The following UBR3 variants were observed in gnomAD, a reference collection of about 807,000 sequenced individuals.
The protein encoded by UBR3 is E3 ubiquitin-protein ligase UBR3.
UBR3 carries 85 observed loss-of-function variants against 243.2 expected under a neutral mutation model. The ratio of observed to expected loss-of-function variants is 0.35; its 90% CI spans 0.29 to 0.42. UBR3 has a LOEUF of 0.42. UBR3 is among the 10% of genes least tolerant of loss of function. The pLI is 1.00. For missense variants in UBR3, 1,686 were observed against 2,300.8 expected (o/e 0.73, Z 5.47); for synonymous variants, 748 against 799.8 (o/e 0.94, Z 1.09).
intron 30 of UBR3, among the ~76,000 whole-genome samples, chr2:170,024,776 T>C (rs2105418776): frequency 6.6e-6 from 1 of 152,298 alleles, no homozygotes; most frequent in Admixed American, 6.5e-5. Flanking sequence ...GTTTCAGTAA[T>C]GATGTGTCTG....
intron 33 of UBR3, among the ~76,000 whole-genome samples, chr2:170,060,741 A>G (rs1322814004): frequency 2.6e-5 from 4 of 152,070 alleles, no homozygotes; most frequent in Admixed American, 2.0e-4. Context: ...TGTCTTGTAC[A>G]TATAGCTATT....
intron 1 of UBR3, among the ~76,000 whole-genome samples, chr2:169,840,040 T>C (rs188937103): frequency 8.2e-4 from 124 of 151,698 alleles, no homozygotes; most frequent in African/African-American, 3.0e-3. Context: ...CTTCTGTGTC[T>C]CTTTGTTGTG....
chr2:169,876,084 C>CT (rs547614070), intron 3 of UBR3, 135 bp downstream of exon 3: 80,712 of 416,856 alleles, frequency 0.19, 3,024 homozygotes, highest in East Asian at 0.34. Context: ...AAGAGAACTT[C>CT]TTTTTTTTTT....
At chr2:169,831,203 C>T (rs113800071) in intron 1 of UBR3, among the ~76,000 whole-genome samples, 5,955 of 132,192 alleles carry the variant, frequency 0.045, 150 homozygotes, top group Middle Eastern at 0.1. Flanking sequence ...TGCAGTGGCA[C>T]GATCTTGGCT....
chr2:169,968,656 C>T (rs1423809181), intron 24 of UBR3, among the ~76,000 whole-genome samples: 3 of 152,084 alleles, frequency 2.0e-5, no homozygotes, highest in Admixed American at 1.3e-4. Flanking sequence ...AACATGGACA[C>T]GCAGCTGGCT....
chr2:170,064,582 G>GT (rs2091516261), intron 35 of UBR3, among the ~76,000 whole-genome samples: 1 of 151,944 alleles, frequency 6.6e-6, no homozygotes, highest in South Asian at 2.1e-4. Flanking sequence ...TGATAAGACA[G>GT]TTTTTCCAGC....
intron 30 of UBR3, among the ~76,000 whole-genome samples, chr2:170,022,104 G>C (rs2090406752): frequency 6.6e-6 from 1 of 152,030 alleles, no homozygotes; most frequent in African/African-American, 2.4e-5. Context: ...TCTCTTCCTA[G>C]GACTACCTAT....
intron 29 of UBR3, among the ~76,000 whole-genome samples, chr2:170,012,368 T>C (rs544323359): frequency 6.6e-6 from 1 of 152,292 alleles, no homozygotes; most frequent in African/African-American, 2.4e-5. Flanking sequence ...TTTTTCTTTT[T>C]AAGCATCTTA....
intron 19 of UBR3, among the ~76,000 whole-genome samples, chr2:169,936,888 A>G (rs896042555): frequency 3.3e-5 from 5 of 152,300 alleles, no homozygotes; most frequent in African/African-American, 4.8e-5. Flanking sequence ...TCCACGGTGT[A>G]TATGTGCCAC....
intron 32 of UBR3, 55 bp from the exon 33 acceptor site, chr2:170,055,405 G>A: frequency 1.9e-6 from 3 of 1,583,168 alleles, no homozygotes; most frequent in South Asian, 2.3e-5. Flanking sequence ...GTAAAACTAT[G>A]TTGAGTACAA....
At chr2:169,897,358 C>A (rs1051534193) in intron 8 of UBR3, among the ~76,000 whole-genome samples, 3 of 151,976 alleles carry the variant, frequency 2.0e-5, no homozygotes, top group Admixed American at 6.6e-5. Flanking sequence ...TTCAACCTGC[C>A]ATAATGTTTC....
At chr2:169,991,750 T>A (rs2105392403) in intron 25 of UBR3, among the ~76,000 whole-genome samples, 1 of 152,140 alleles carries the variant, frequency 6.6e-6, no homozygotes, top group Middle Eastern at 3.4e-3. Flanking sequence ...GCCTAGCTAA[T>A]TTTTTGTATT....
intron 26 of UBR3, among the ~76,000 whole-genome samples, chr2:169,996,906 G>A (rs1449325014): frequency 2.0e-5 from 3 of 151,338 alleles, no homozygotes; most frequent in African/African-American, 7.3e-5. Context: ...TCACCATGTT[G>A]GCCAGGATGG....
chr2:170,080,614 C>A lies in UBR3; in HGVS notation c.5479C>A (p.Arg1827=), dbSNP rs765669947. ...CAATGCATCGGTAATTATCATCATT[C>A]GAGGTCACCGCTTCTGCCTCTGGGG... ...LINASVIIII[R]GHRFCLWGSV... The change falls in exon 38 of 39, where the codon CGA becomes AGA. Residue 1827 remains arginine, a synonymous_variant. Transcript: ENST00000272793. The A allele has an allele frequency of 1.2e-6, 2 of 1,613,992 alleles. No individual in the cohort carries two copies. The highest frequency in any genetic ancestry group is 2.2e-5 in the South Asian group (2 of 91,042).
intron 24 of UBR3, among the ~76,000 whole-genome samples, chr2:169,969,632 TC>T (rs1347646571): frequency 6.6e-6 from 1 of 150,506 alleles, no homozygotes; most frequent in Non-Finnish European, 1.5e-5. Flanking sequence ...CACTGCAAGC[TC>T]CACTTCCCAG....
At chr2:169,931,391 A>G (rs1249641064) in intron 18 of UBR3, among the ~76,000 whole-genome samples, 2 of 149,770 alleles carry the variant, frequency 1.3e-5, no homozygotes, top group Non-Finnish European at 3.0e-5. Context: ...AAATGATTCT[A>G]GAAATACTAA....
chr2:169,909,161 A>G (rs1406792903), intron 10 of UBR3, among the ~76,000 whole-genome samples: 26 of 152,198 alleles, frequency 1.7e-4, no homozygotes, highest in Admixed American at 1.7e-3. Context: ...CTGGAACCAC[A>G]GAGTAAACAA....
At chr2:169,852,703 A>AT (rs2082696281) in intron 1 of UBR3, among the ~76,000 whole-genome samples, 1 of 151,156 alleles carries the variant, frequency 6.6e-6, no homozygotes, top group South Asian at 2.1e-4. Context: ...AAAAAAAAAA[A>AT]AGCTGGGTGT....
intron 5 of UBR3, among the ~76,000 whole-genome samples, chr2:169,881,963 C>G (rs1559053895): frequency 9.5e-6 from 1 of 104,754 alleles, no homozygotes; most frequent in Non-Finnish European, 2.0e-5. Flanking sequence ...TGTATACATA[C>G]ATATGTAATT....
Sources: gnomAD v4.1 joint callset for allele counts (sites outside exome capture counted in the v4.1 genomes callset) on GRCh38, gnomAD v4.1.1 for gene constraint, MANE v1.5 for transcripts, NCBI Gene and HGNC (gene_info 2026-07-23, HGNC 2026-07-21) for gene names.